The following WDR1 variants were observed in gnomAD, a reference collection of about 807,000 sequenced individuals.
The protein encoded by WDR1 is WD repeat domain 1.
Under a neutral mutation model 71.9 loss-of-function variants are expected in WDR1, and 21 were observed. The observed-to-expected ratio is 0.29, with a 90% CI of 0.21 to 0.42. The LOEUF is 0.42. Ranked by LOEUF, WDR1 falls within the 10% of genes least tolerant of loss-of-function variation. The pLI is 1.00. For synonymous variants in WDR1, 424 were observed against 347.4 expected (o/e 1.22, Z -2.45); for missense variants, 696 against 824.5 (o/e 0.84, Z 1.91).
Position 10,077,844 on chromosome 4 carries a change from G to C in WDR1, c.1478C>G (p.Thr493Ser). 1 of 1,610,298 alleles carries C rather than the reference G, an allele frequency of 6.2e-7. No individual in the cohort carries two copies. Among genetic ancestry groups the C allele is most frequent in the Non-Finnish European group, 8.5e-7 (1 of 1,178,396 alleles). Residue 493 changes from threonine (T) to serine (S), a missense_variant, in exon 13 of 15, where the codon ACC becomes AGC. By Grantham distance (58) the Thr-to-Ser change is moderately conservative. Transcript: ENST00000499869. ...GCCGTCGTGGGAGTAGGCCACGTCG[G>C]TCACGGGGCCCTTGGCCTCTAGGAG... ...GKLLEAKGPVTDVAYSHDGAF... is the reference protein window; with the variant it reads ...GKLLEAKGPVSDVAYSHDGAF...
At chr4:10,111,076 T>G (rs561033860) in intron 2 of WDR1, among the ~76,000 whole-genome samples, 141 of 152,274 alleles carry the variant, frequency 9.3e-4, no homozygotes, top group South Asian at 2.3e-3. Context: ...AGCTTCCTAA[T>G]TGGCTTCCCT....
chr4:10,116,436 C>T, intron 1 of WDR1: 2 of 870,566 alleles, frequency 2.3e-6, no homozygotes, highest in Non-Finnish European at 3.2e-6. Context: ...AGCGGGGCTC[C>T]TCCGGCTCGG....
At chr4:10,081,326 C>T (rs1005493034) in intron 11 of WDR1, 31 bp downstream of exon 11, 5 of 1,606,796 alleles carry the variant, frequency 3.1e-6, no homozygotes, top group East Asian at 2.2e-5. Flanking sequence ...CAGCTGCAGG[C>T]TCCCACCCAA....
At chr4:10,098,968 G>C in intron 4 of WDR1, 24 bp downstream of exon 4, 1 of 1,613,766 alleles carries the variant, frequency 6.2e-7, no homozygotes, top group Non-Finnish European at 8.5e-7. Context: ...ACAGGGCAGG[G>C]AGGGGCTGAG....
intron 5 of WDR1, among the ~76,000 whole-genome samples, chr4:10,094,500 G>A (rs1299649908): frequency 1.3e-5 from 2 of 152,190 alleles, no homozygotes; most frequent in South Asian, 2.1e-4. Context: ...GGGTGAGATG[G>A]GGGAAGGCAG....
chr4:10,104,043 G>A (rs1712869857), intron 2 of WDR1, 57 bp from the exon 3 acceptor site: 1 of 1,510,754 alleles, frequency 6.6e-7, no homozygotes, highest in Admixed American at 1.9e-5. Context: ...CAAGCTTCCA[G>A]CTCTCCACAT....
At chr4:10,115,317 A>G (rs1713644194) in intron 2 of WDR1, among the ~76,000 whole-genome samples, 1 of 152,234 alleles carries the variant, frequency 6.6e-6, no homozygotes, top group East Asian at 1.9e-4. Context: ...CAGAGGAATA[A>G]CATGAATTTG....
rs73104537 is a variant in WDR1 at position 10,116,092 on chromosome 4, C to T, written c.138+21G>A. On this transcript the variant is annotated intron_variant, in intron 2 of 14. Coordinates refer to ENST00000499869, the MANE Select transcript of WDR1 (RefSeq NM_017491.5). ...AAGGTGGCTCCGGAGCAGAACCGCG[C>T]CCGGGGTAGGGGGTACTCACGTCGA... 5,286 of 1,606,628 alleles carry T rather than the reference C, an allele frequency of 3.3e-3. 17 individuals carry two copies. Among genetic ancestry groups the T allele is most frequent in the Middle Eastern group, 6.3e-3 (38 of 6,034 alleles).
At chr4:10,080,691 A>C (rs1460058207) in intron 11 of WDR1, among the ~76,000 whole-genome samples, 1 of 152,210 alleles carries the variant, frequency 6.6e-6, no homozygotes, top group African/African-American at 2.4e-5. Context: ...GCAGGGCAGA[A>C]TTCTGTATAA....
At chr4:10,095,983 C>T (rs1712328106) in intron 5 of WDR1, 1 of 152,310 alleles carries the variant, frequency 6.6e-6, no homozygotes, top group African/African-American at 2.4e-5. Flanking sequence ...TTGTACCCAA[C>T]ACTCCTGGGC....
chr4:10,106,424 C>G (rs1364881570), intron 2 of WDR1: 7 of 152,340 alleles, frequency 4.6e-5, no homozygotes, highest in African/African-American at 1.7e-4. Flanking sequence ...TCGGTGTACA[C>G]TCACAGCTGA....
chr4:10,110,845 G>A (rs1287994241), intron 2 of WDR1, among the ~76,000 whole-genome samples: 3 of 152,206 alleles, frequency 2.0e-5, no homozygotes, highest in Admixed American at 1.3e-4. Flanking sequence ...AGATACCAGT[G>A]GCACAAAAAT....
chr4:10,112,747 T>A (rs1468946816), intron 2 of WDR1, among the ~76,000 whole-genome samples: 1 of 152,234 alleles, frequency 6.6e-6, no homozygotes, highest in South Asian at 2.1e-4. Flanking sequence ...GGCTGCCTAT[T>A]ATCTTCACGA....
At chr4:10,099,162 GAGGGGGGGAGGCGGT>G in intron 3 of WDR1, 23 bp from the exon 4 acceptor site, 4 of 1,404,104 alleles carry the variant, frequency 2.8e-6, no homozygotes, top group Non-Finnish European at 4.0e-6. Context: ...GCGGGCGGGG[GAGGGGGGGAGGCGGT>G]GGTGGGGTAA....
chr4:10,082,349 C>A (rs1223128110), intron 10 of WDR1, among the ~76,000 whole-genome samples: 1 of 151,784 alleles, frequency 6.6e-6, no homozygotes, highest in East Asian at 1.9e-4. Flanking sequence ...GGCAGGACTA[C>A]CGGGTGACAA....
chr4:10,111,506 T>C (rs1182120171), intron 2 of WDR1, among the ~76,000 whole-genome samples: 1 of 152,176 alleles, frequency 6.6e-6, no homozygotes, highest in Non-Finnish European at 1.5e-5. Context: ...ACCCAGGTGA[T>C]AATCCAACGC....
At chr4:10,111,389 T>A (rs1481248865) in intron 2 of WDR1, among the ~76,000 whole-genome samples, 1 of 152,160 alleles carries the variant, frequency 6.6e-6, no homozygotes, top group Non-Finnish European at 1.5e-5. Flanking sequence ...TCTCCTGAGA[T>A]GAAGGCCCCC....
rs368727336 is a variant in WDR1 at position 10,084,593 on chromosome 4, C to G, written c.952-63G>C. The G allele has an allele frequency of 1.8e-5, 27 of 1,513,036 alleles. No individual in the cohort carries two copies. The East Asian group carries it at 3.9e-4, about 22-fold the overall frequency. 93.7% of individuals were successfully genotyped at this position (1,513,036 alleles called of 1,614,324 possible). On this transcript the variant is annotated intron_variant, in intron 8 of 14. Coordinates refer to ENST00000499869, the MANE Select transcript of WDR1 (RefSeq NM_017491.5). ...ACACTGCCCTGCCCTCTGCCACCCGCTTTCCACCAACGAAGCTTCTGGGTA... is the reference window on the plus strand; with the variant it reads ...ACACTGCCCTGCCCTCTGCCACCCGGTTTCCACCAACGAAGCTTCTGGGTA...
chr4:10,084,575 C>A (rs1184883817), intron 8 of WDR1, 45 bp from the exon 9 acceptor site: 1 of 1,578,044 alleles, frequency 6.3e-7, no homozygotes. Flanking sequence ...GACACACTGC[C>A]CTGCCCTCTG....
Sources: gnomAD v4.1 joint callset for allele counts (sites outside exome capture counted in the v4.1 genomes callset) on GRCh38, gnomAD v4.1.1 for gene constraint, MANE v1.5 for transcripts, NCBI Gene and HGNC (gene_info 2026-07-23, HGNC 2026-07-21) for gene names.